The following CEP295 variants were observed in gnomAD, a reference collection of about 807,000 sequenced individuals.
The protein encoded by CEP295 is centrosomal protein of 295 kDa.
In CEP295, 190 loss-of-function variants were observed where a neutral mutation model predicts 291.6. That is an observed-to-expected ratio of 0.65 (90% confidence interval 0.58 to 0.73). The LOEUF (loss-of-function observed/expected upper bound fraction) is 0.73. Ranked by LOEUF, CEP295 falls within the 30% of genes least tolerant of loss-of-function variation. The pLI, the probability that CEP295 is intolerant of heterozygous loss-of-function variation, is 0.00. For missense variants in CEP295, 2,863 were observed against 2,949.4 expected (o/e 0.97, Z 0.68); for synonymous variants, 993 against 1,038.8 (o/e 0.96, Z 0.85).
chr11:93,698,563 C>G lies in CEP295; in HGVS notation c.3651C>G (p.Phe1217Leu). The G allele has an allele frequency of 6.4e-7, 1 of 1,552,144 alleles. No homozygotes were observed. The highest frequency in any genetic ancestry group is 8.7e-7 in the Non-Finnish European group (1 of 1,147,094). Reference sequence around the variant, plus strand: ...CCCAGGTGGATGAATCTGAGAGATTCCAGGAATGTATATCAATCAAGAGTG... The same window carrying G: ...CCCAGGTGGATGAATCTGAGAGATTGCAGGAATGTATATCAATCAAGAGTG... ...SLSQVDESER[F>L]QECISIKSDS... Residue 1217 changes from phenylalanine (F) to leucine (L), a missense_variant, in exon 15 of 30, where the codon TTC becomes TTG. Physicochemically the swap from Phe to Leu is conservative, Grantham distance 22. This residue lies in a region of CEP295 where 2,295 missense variants were observed against 2,335.7 expected (regional missense o/e 0.98). Coordinates refer to ENST00000325212, the MANE Select transcript of CEP295 (RefSeq NM_033395.2).
In CEP295 at chr11:93,699,023, G is replaced by A. The variant is rs1951996548; in HGVS notation, c.4111G>A (p.Glu1371Lys). Residue 1371 changes from glutamate (E) to lysine (K), a missense_variant, in exon 15 of 30, where the codon GAA becomes AAA. By Grantham distance (56) the Glu-to-Lys change is moderately conservative. This residue lies in a region of CEP295 where 2,295 missense variants were observed against 2,335.7 expected (regional missense o/e 0.98). Transcript: ENST00000325212. ...AGAAGCCATCATTCTAGCTAGACAA[G>A]AAGCTCGGGAAGAATTACTTTTACA... ...QREAIILARQ[E>K]AREELLLHQS... 5 of 1,546,830 alleles carry A rather than the reference G, an allele frequency of 3.2e-6. No homozygotes were observed. Among genetic ancestry groups the A allele is most frequent in the Non-Finnish European group, 4.4e-6 (5 of 1,147,018 alleles).
intron 6 of CEP295, among the ~76,000 whole-genome samples, chr11:93,677,935 T>C (rs935343679): frequency 2.0e-4 from 30 of 152,218 alleles, no homozygotes; most frequent in Non-Finnish European, 4.4e-5. Context: ...GACACAAATC[T>C]ATAGGGGATT....
chr11:93,700,516 C>T (rs1050734740), intron 15 of CEP295, among the ~76,000 whole-genome samples: 2 of 150,622 alleles, frequency 1.3e-5, no homozygotes, highest in African/African-American at 4.9e-5. Flanking sequence ...ACCCCTACCT[C>T]CTGGGTTTAA....
At chr11:93,686,697 G>C (rs950085151) in intron 9 of CEP295, among the ~76,000 whole-genome samples, 1 of 152,116 alleles carries the variant, frequency 6.6e-6, no homozygotes, top group African/African-American at 2.4e-5. Flanking sequence ...GTGATCTTGG[G>C]GTTAAAGTAG....
At chr11:93,666,954 A>G (rs1010764501) in intron 2 of CEP295, 139 bp downstream of exon 2, 5 of 517,776 alleles carry the variant, frequency 9.7e-6, no homozygotes, top group African/African-American at 1.9e-5. Context: ...GGTATTAACT[A>G]GTTTTGGAAC....
intron 5 of CEP295, among the ~76,000 whole-genome samples, chr11:93,671,111 G>C (rs113789744): frequency 0.014 from 2,099 of 152,210 alleles, 52 homozygotes; most frequent in African/African-American, 0.048. Flanking sequence ...TCGAACTCCT[G>C]ACCTCAGATG....
rs1400688522 is a variant in CEP295, at chr11:93,683,952, T to C, written c.950-12T>C. 2 of 1,538,000 alleles carry C rather than the reference T, an allele frequency of 1.3e-6. No individual in the cohort carries two copies. The highest frequency in any genetic ancestry group is 2.4e-5 in the South Asian group (2 of 81,892). The stretch of plus-strand genomic sequence containing the variant: ...TTGGAATGGAAACGTGTCTCTATTT[T>C]TCTTTTTTAAGAGGTGAAAGGGAAT... On this transcript the variant is annotated splice_polypyrimidine_tract_variant and intron_variant, in intron 8 of 29. Transcript: ENST00000325212.
In CEP295 at chr11:93,696,826, G is replaced by A. The variant is rs1160735085; in HGVS notation, c.1914G>A (p.Pro638=). 9.0e-6 allele frequency: 14 copies of A among 1,551,490 alleles called. No individual in the cohort carries two copies. The highest frequency in any genetic ancestry group is 6.8e-5 in the African/African-American group (5 of 73,014). Residue 638 remains proline (P), a synonymous_variant, in exon 15 of 30, where the codon CCG becomes CCA. Coordinates refer to ENST00000325212, the MANE Select transcript of CEP295 (RefSeq NM_033395.2). ...TGCCATCATGGAAATCTGAGAGACC[G>A]ACTGCTATATCAGAGCATTGGGATC... is the stretch of plus-strand genomic sequence containing the variant. The part of the protein sequence containing the change: ...ISVPSWKSER[P]TAISEHWDQG...
At chr11:93,720,835 G>A (rs1028290620) in intron 18 of CEP295, among the ~76,000 whole-genome samples, 1 of 152,088 alleles carries the variant, frequency 6.6e-6, no homozygotes, top group Non-Finnish European at 1.5e-5. Flanking sequence ...GCACTCAAGC[G>A]ATCCACCTGC....
Position 93,697,164 on chromosome 11 carries a change from T to G in CEP295, c.2252T>G (p.Ile751Arg). The change falls in exon 15 of 30, where the codon ATA (isoleucine) becomes AGA (arginine). Residue 751 changes from isoleucine to arginine, a missense_variant. Physicochemically the swap from Ile to Arg is moderately conservative, Grantham distance 97. Transcript: ENST00000325212. ...CTAATATCACAGGATGCTAGAAAAATATCTGAAACATTTGGGGCAACAACT... is the reference window on the plus strand; with the variant it reads ...CTAATATCACAGGATGCTAGAAAAAGATCTGAAACATTTGGGGCAACAACT... Reference protein sequence around the residue: ...RQLISQDARKISETFGATTFQ... With the variant: ...RQLISQDARKRSETFGATTFQ... 7.7e-6 allele frequency: 12 copies of G among 1,551,852 alleles called. No individual in the cohort carries two copies. The highest frequency in any genetic ancestry group is 1.0e-5 in the Non-Finnish European group (12 of 1,147,042).
chr11:93,715,654 T>C (rs642984), intron 18 of CEP295, among the ~76,000 whole-genome samples: 139,667 of 151,970 alleles, frequency 0.92, 64,995 homozygotes, highest in East Asian at 1. Context: ...CATATACTAC[T>C]TGGCTACCAC....
Position 93,699,013 on chromosome 11 carries a change from A to G in CEP295, c.4101A>G (p.Leu1367=). 1 of 1,548,248 alleles carries G rather than the reference A, an allele frequency of 6.5e-7. No individual in the cohort carries two copies. The highest frequency in any genetic ancestry group is 8.7e-7 in the Non-Finnish European group (1 of 1,147,054). The change falls in exon 15 of 30, where the codon CTA becomes CTG. Residue 1367 remains leucine, a synonymous_variant. Coordinates refer to ENST00000325212, the MANE Select transcript of CEP295 (RefSeq NM_033395.2). The part of the protein sequence containing the change: ...QLATQREAII[L]ARQEAREELL... ...CTACACAGAGAGAAGCCATCATTCT[A>G]GCTAGACAAGAAGCTCGGGAAGAAT...
At chr11:93,705,836 A>G (rs1952477572) in intron 17 of CEP295, among the ~76,000 whole-genome samples, 2 of 152,194 alleles carry the variant, frequency 1.3e-5, no homozygotes, top group South Asian at 2.1e-4. Flanking sequence ...ATGGCTTTGT[A>G]GTGAGGACGC....
At chr11:93,661,946 T>G (rs1251091113) in intron 1 of CEP295, among the ~76,000 whole-genome samples, 172 bp downstream of exon 1, 2 of 152,146 alleles carry the variant, frequency 1.3e-5, no homozygotes, top group African/African-American at 4.8e-5. Context: ...CTGCCCGCGG[T>G]CGGGCTGGCG....
At chr11:93,729,009 A>G (rs1937879838) in intron 25 of CEP295, 188 bp downstream of exon 25, 2 of 548,194 alleles carry the variant, frequency 3.6e-6, no homozygotes, top group Admixed American at 3.6e-5. Flanking sequence ...TTTTCTTTTA[A>G]TCCCCACTCC....
In CEP295 at chr11:93,700,101, A is replaced by C. The variant is rs1952059217; in HGVS notation, c.5189A>C (p.Lys1730Thr). The change falls in exon 15 of 30, where the codon AAA becomes ACA. Residue 1730 changes from lysine to threonine, a missense_variant. This residue lies in a region of CEP295 where 2,295 missense variants were observed against 2,335.7 expected (regional missense o/e 0.98). Coordinates refer to ENST00000325212, the MANE Select transcript of CEP295 (RefSeq NM_033395.2). Reference sequence around the variant, plus strand: ...CATTATAGCCAGAAAGCCCAGGAAAAATTGCTTGTACAGAGACAAACAGCA... The same window carrying C: ...CATTATAGCCAGAAAGCCCAGGAAACATTGCTTGTACAGAGACAAACAGCA... The part of the protein sequence containing the change: ...VLHYSQKAQE[K>T]LLVQRQTALQ... The C allele has an allele frequency of 6.4e-7, 1 of 1,551,628 alleles. No individual in the cohort carries two copies. Among genetic ancestry groups the C allele is most frequent in the African/African-American group, 1.4e-5 (1 of 73,052 alleles).
rs1952006994 is a variant in CEP295 at position 93,699,182 on chromosome 11, A to T, written c.4270A>T (p.Ser1424Cys). ...AAACCAAGAACCATGTTCAATTAACAGTGATAATATAGTATCCTCAGGTCA... is the reference window on the plus strand; with the variant it reads ...AAACCAAGAACCATGTTCAATTAACTGTGATAATATAGTATCCTCAGGTCA... The part of the protein sequence containing the change: ...ERNQEPCSIN[S>C]DNIVSSGHSE... The change falls in exon 15 of 30, where the codon AGT (serine) becomes TGT (cysteine). Residue 1424 changes from serine (S) to cysteine (C), a missense_variant. Around this residue, in one of 3 missense-constraint regions of CEP295, gnomAD observed 2,295 missense variants for 2,335.7 expected, o/e 0.98. Transcript: ENST00000325212. 6.4e-7 allele frequency: 1 copy of T among 1,551,974 alleles called. No individual in the cohort carries two copies. The highest frequency in any genetic ancestry group is 8.7e-7 in the Non-Finnish European group (1 of 1,147,034).
rs531753414 is a variant in CEP295 at position 93,663,948 on chromosome 11, C to T, written c.-27+2174C>T. Reference sequence around the variant, plus strand: ...GATCAAAATATATAAATTTTCAGTACCCCAGCAAGCTTCTTTGTGCCATCT... The same window carrying T: ...GATCAAAATATATAAATTTTCAGTATCCCAGCAAGCTTCTTTGTGCCATCT... On this transcript the variant is annotated intron_variant, in intron 1 of 29. Coordinates refer to ENST00000325212, the MANE Select transcript of CEP295 (RefSeq NM_033395.2). Among the ~76,000 whole-genome samples the T allele has an allele frequency of 7.2e-5, 11 of 152,196 alleles. No individual in the cohort carries two copies. The East Asian group carries it at 2.1e-3, about 29-fold the overall frequency.
rs1951976377 is a variant in CEP295 at position 93,698,723 on chromosome 11, T to G, written c.3811T>G (p.Phe1271Val). Residue 1271 changes from phenylalanine to valine, a missense_variant, in exon 15 of 30, where the codon TTT becomes GTT. Transcript: ENST00000325212. ...QAWLDTEKEA[F>V]HFSQKTQENT... ...ATGGCTAGACACTGAGAAAGAAGCC[T>G]TTCATTTCAGCCAGAAAACCCAAGA... The G allele has an allele frequency of 5.2e-6, 8 of 1,551,598 alleles. No individual in the cohort carries two copies. The highest frequency in any genetic ancestry group is 7.0e-6 in the Non-Finnish European group (8 of 1,147,028).
Sources: allele counts gnomAD v4.1 joint callset (sites outside exome capture counted in the v4.1 genomes callset), GRCh38; gene constraint gnomAD v4.1.1; regional missense constraint gnomAD v4.1.1; transcripts MANE v1.5; gene names NCBI Gene and HGNC (gene_info 2026-07-23, HGNC 2026-07-21).